GALNT2: variants seen among roughly 807,000 people sequenced by gnomAD.
The protein encoded by GALNT2 is UDP-GalNAc:polypeptide N-acetylgalactosaminyltransferase 2.
A neutral mutation model predicts 81.4 loss-of-function variants in GALNT2; 31 were observed. The ratio of observed to expected loss-of-function variants is 0.38; its 90% CI spans 0.29 to 0.51. GALNT2 has a LOEUF of 0.51. Ranked by LOEUF, GALNT2 falls within the 20% of genes least tolerant of loss-of-function variation. GALNT2 has a pLI of 0.87. For missense variants in GALNT2, 629 were observed against 765.7 expected, an observed-to-expected ratio of 0.82 and a Z score of 2.11; for synonymous variants, 303 against 287.4, an observed-to-expected ratio of 1.05 and a Z score of -0.55.
intron 2 of GALNT2, among the ~76,000 whole-genome samples, chr1:230,200,408 A>G (rs539653209): frequency 2.4e-4 from 37 of 152,194 alleles, no homozygotes; most frequent in African/African-American, 8.9e-4. Flanking sequence ...ACCTCCTAGA[A>G]CATGAAGTCC....
chr1:230,135,272 G>A (rs531958027), intron 1 of GALNT2, among the ~76,000 whole-genome samples: 37 of 152,232 alleles, frequency 2.4e-4, no homozygotes, highest in African/African-American at 8.7e-4. Flanking sequence ...GAGGAAGACA[G>A]TCATGGATAC....
intron 1 of GALNT2, among the ~76,000 whole-genome samples, chr1:230,150,904 G>T (rs556275681): frequency 3.9e-5 from 6 of 152,186 alleles, no homozygotes; most frequent in Non-Finnish European, 8.8e-5. Context: ...CTTCCCTAAG[G>T]AATCTATTTT....
intron 1 of GALNT2, among the ~76,000 whole-genome samples, chr1:230,101,277 G>T (rs145458253): frequency 1.3e-5 from 2 of 152,188 alleles, no homozygotes; most frequent in Admixed American, 6.5e-5. Flanking sequence ...ATATGGCAAG[G>T]GTGCCTCATT....
At chr1:230,178,596 G>A (rs1040730708) in intron 2 of GALNT2, among the ~76,000 whole-genome samples, 10 of 152,150 alleles carry the variant, frequency 6.6e-5, no homozygotes, top group Admixed American at 5.9e-4. Context: ...ATTTTTAATA[G>A]ACTTTATTTT....
chr1:230,090,537 G>A (rs1660039284), intron 1 of GALNT2, among the ~76,000 whole-genome samples: 1 of 152,012 alleles, frequency 6.6e-6, no homozygotes, highest in Admixed American at 6.6e-5. Flanking sequence ...TGAAGAATGG[G>A]AAGGGAAGGA....
At chr1:230,274,025 G>A (rs1666219879) in intron 14 of GALNT2, among the ~76,000 whole-genome samples, 1 of 152,218 alleles carries the variant, frequency 6.6e-6, no homozygotes, top group African/African-American at 2.4e-5. Flanking sequence ...CTGCATGAGG[G>A]CAGAGTCATT....
intron 1 of GALNT2, among the ~76,000 whole-genome samples, chr1:230,161,954 T>C (rs1426367199): frequency 6.6e-6 from 1 of 152,226 alleles, no homozygotes; most frequent in African/African-American, 2.4e-5. Flanking sequence ...TTAGATCTTT[T>C]GTTTTAAGCT....
intron 1 of GALNT2, among the ~76,000 whole-genome samples, chr1:230,099,938 G>A (rs1475644970): frequency 6.6e-6 from 1 of 152,244 alleles, no homozygotes; most frequent in Non-Finnish European, 1.5e-5. Context: ...GGGGCTTGGT[G>A]TTGCGGGCAC....
rs1379184305 is a variant in GALNT2, at chr1:230,280,116, C to A, written c.*658C>A. On this transcript the variant is annotated 3_prime_UTR_variant, in exon 16 of 16. Coordinates refer to ENST00000366672, the MANE Select transcript of GALNT2 (RefSeq NM_004481.5). ...GTTCCCTATGGTTTCTGTAGATCAT[C>A]GTCATCTTGTATATTCCCCACAAAG... 2 of 418,052 alleles carry A rather than the reference C, an allele frequency of 4.8e-6. No individual in the cohort carries two copies. Among genetic ancestry groups the A allele is most frequent in the African/African-American group, 4.1e-5 (2 of 49,104 alleles). The allele number at this position is 418,052 out of a possible 1,614,324, so 25.9% of individuals were successfully genotyped here.
chr1:230,177,303 G>T (rs1356084383), intron 1 of GALNT2, among the ~76,000 whole-genome samples: 3 of 152,244 alleles, frequency 2.0e-5, no homozygotes, highest in Non-Finnish European at 4.4e-5. Flanking sequence ...GGAGAGCTGG[G>T]TTCCCCGCCC....
At chr1:230,068,535 G>T (rs918668206) in intron 1 of GALNT2, among the ~76,000 whole-genome samples, 1 of 152,232 alleles carries the variant, frequency 6.6e-6, no homozygotes, top group African/African-American at 2.4e-5. Context: ...GGGTGGTTGG[G>T]TTGGAACAAG....
At chr1:230,254,788 C>T (rs375435607) in intron 10 of GALNT2, among the ~76,000 whole-genome samples, 7 of 152,100 alleles carry the variant, frequency 4.6e-5, no homozygotes, top group African/African-American at 1.2e-4. Flanking sequence ...GGTGTTGATA[C>T]GAAGCAAGTG....
At chr1:230,075,472 T>C (rs554085182) in intron 1 of GALNT2, among the ~76,000 whole-genome samples, 2 of 152,322 alleles carry the variant, frequency 1.3e-5, no homozygotes, top group South Asian at 2.1e-4. Context: ...GTTCCTACCC[T>C]CCAGGCCTCT....
intron 1 of GALNT2, among the ~76,000 whole-genome samples, chr1:230,130,512 A>G (rs1342960192): frequency 6.6e-6 from 1 of 152,208 alleles, no homozygotes; most frequent in Non-Finnish European, 1.5e-5. Context: ...AAGGAACACC[A>G]GTTTGATACA....
intron 15 of GALNT2, among the ~76,000 whole-genome samples, chr1:230,276,805 G>C (rs978895399): frequency 3.3e-5 from 5 of 152,176 alleles, no homozygotes; most frequent in African/African-American, 1.2e-4. Context: ...GGCTAGCACC[G>C]CTTGGACCCA....
intron 3 of GALNT2, among the ~76,000 whole-genome samples, chr1:230,223,751 G>A (rs542895879): frequency 7.2e-5 from 11 of 152,324 alleles, no homozygotes; most frequent in East Asian, 1.9e-4. Context: ...GATTGTAGGC[G>A]TGAGCCACTG....
chr1:230,272,711 T>C (rs1327220346), intron 14 of GALNT2, among the ~76,000 whole-genome samples: 1 of 152,116 alleles, frequency 6.6e-6, no homozygotes, highest in African/African-American at 2.4e-5. Context: ...CGCCAGTGGT[T>C]GTATAAGGTC....
In GALNT2 at chr1:230,275,042, CATAT is replaced by C. The variant is rs535119012; in HGVS notation, c.1560+482_1560+485del. On this transcript the variant is annotated intron_variant, in intron 15 of 15. Transcript: ENST00000366672. The surrounding 1 kb of genome is among the most constrained non-coding windows in gnomAD (Gnocchi z 5.5). ...CATATATACACGCCACATATATACA[CATAT>C]ATACATGCCACATATATACGTATAT... Among the ~76,000 whole-genome samples, 8 of 149,828 alleles carry C rather than the reference CATAT, an allele frequency of 5.3e-5. No individual in the cohort carries two copies. In the East Asian group the frequency reaches 7.9e-4, roughly 15 times the overall value.
rs2102754992 is a variant in GALNT2 at position 230,257,194 on chromosome 1, G to A, written c.1136+1850G>A. On this transcript the variant is annotated intron_variant, in intron 11 of 15. Coordinates refer to ENST00000366672, the MANE Select transcript of GALNT2 (RefSeq NM_004481.5). This position sits in a 1 kb window ranked among gnomAD's most constrained non-coding sequence, Gnocchi z 4.6. ...TGAAGGAAAACACTGGGGCTTTTCA[G>A]CAGTGCCTGATGTCTGTTTTATGCT... Among the ~76,000 whole-genome samples, 1 of 152,364 alleles carries A rather than the reference G, an allele frequency of 6.6e-6. No homozygotes were observed. The highest frequency in any genetic ancestry group is 2.1e-4 in the South Asian group (1 of 4,832).
Sources: allele counts gnomAD v4.1 joint callset (sites outside exome capture counted in the v4.1 genomes callset), GRCh38; gene constraint gnomAD v4.1.1; non-coding constraint Gnocchi (gnomAD v3.1); transcripts MANE v1.5; gene names NCBI Gene and HGNC (gene_info 2026-07-23, HGNC 2026-07-21).